MAP3K5: variants seen among roughly 807,000 people sequenced by gnomAD.
MAP3K5 encodes mitogen-activated protein kinase kinase kinase 5, also known as ASK-1.
Under a neutral mutation model 158.7 loss-of-function variants are expected in MAP3K5, and 56 were observed. The observed-to-expected ratio is 0.35, with a 90% CI of 0.28 to 0.44. MAP3K5 has a LOEUF of 0.44. MAP3K5 is among the 20% of genes least tolerant of loss of function. MAP3K5 has a pLI of 1.00. For synonymous variants in MAP3K5, 579 were observed against 601.7 expected, an observed-to-expected ratio of 0.96 and a Z score of 0.55; for missense variants, 1,294 against 1,674.8, an observed-to-expected ratio of 0.77 and a Z score of 3.97.
intron 8 of MAP3K5, among the ~76,000 whole-genome samples, chr6:136,665,855 A>T (rs1779208946): frequency 1.3e-5 from 2 of 152,168 alleles, no homozygotes; most frequent in South Asian, 4.1e-4. Context: ...TTTTATGTAC[A>T]GTAATATATA....
intron 12 of MAP3K5, among the ~76,000 whole-genome samples, chr6:136,641,935 C>T (rs1777962890): frequency 6.6e-6 from 1 of 150,654 alleles, no homozygotes; most frequent in Admixed American, 6.6e-5. Flanking sequence ...TTGCAGTGAA[C>T]TGAGATCATG....
At chr6:136,738,784 G>T (rs373561693) in intron 1 of MAP3K5, among the ~76,000 whole-genome samples, 26 of 152,258 alleles carry the variant, frequency 1.7e-4, no homozygotes, top group Admixed American at 9.1e-4. Context: ...GGAACAGACG[G>T]CTGATGGCCT....
At chr6:136,761,264 A>G (rs368534963) in intron 1 of MAP3K5, among the ~76,000 whole-genome samples, 2 of 150,776 alleles carry the variant, frequency 1.3e-5, no homozygotes, top group South Asian at 2.1e-4. Flanking sequence ...CGGGCACAAG[A>G]ATAAAGAAAA....
chr6:136,740,998 C>A (rs1782683294), intron 1 of MAP3K5, among the ~76,000 whole-genome samples: 1 of 152,034 alleles, frequency 6.6e-6, no homozygotes, highest in African/African-American at 2.4e-5. Context: ...GTTGAATTCC[C>A]AATAGTTCTC....
At chr6:136,614,038 T>C in intron 16 of MAP3K5, 121 bp downstream of exon 16, 1 of 1,010,210 alleles carries the variant, frequency 9.9e-7, no homozygotes, top group Admixed American at 2.4e-5. Context: ...TAATGTCACA[T>C]GTCCAATTTT....
At chr6:136,711,330 C>G (rs928863395) in intron 2 of MAP3K5, among the ~76,000 whole-genome samples, 5 of 152,026 alleles carry the variant, frequency 3.3e-5, no homozygotes, top group Non-Finnish European at 5.9e-5. Context: ...GTGTGTGTTC[C>G]CCAAACAAGT....
intron 14 of MAP3K5, among the ~76,000 whole-genome samples, chr6:136,634,002 C>T (rs923895716): frequency 6.6e-6 from 1 of 152,188 alleles, no homozygotes; most frequent in African/African-American, 2.4e-5. Context: ...TTCAGATGAT[C>T]TCTAAAGTCA....
rs767504696 is a variant in MAP3K5, at chr6:136,622,904, C to G, written c.2094G>C (p.Arg698=). 6.2e-7 allele frequency: 1 copy of G among 1,613,700 alleles called. No homozygotes were observed. The highest frequency in any genetic ancestry group is 1.1e-5 in the South Asian group (1 of 91,082). ...KGTYGIVYAG[R]DLSNQVRIAI... ...CAATTCTGACTTGGTTGCTCAAGTCCCGACCTGCGTAGACTATCCCATAAG... is the reference window on the plus strand; with the variant it reads ...CAATTCTGACTTGGTTGCTCAAGTCGCGACCTGCGTAGACTATCCCATAAG... Residue 698 remains arginine (R), a synonymous_variant, in exon 15 of 30, where the codon CGG becomes CGC. Coordinates refer to ENST00000359015, the MANE Select transcript of MAP3K5 (RefSeq NM_005923.4).
At chr6:136,755,689 CAAAAA>C (rs772339028) in intron 1 of MAP3K5, among the ~76,000 whole-genome samples, 1 of 48,222 alleles carries the variant, frequency 2.1e-5, no homozygotes, top group Non-Finnish European at 5.7e-5. Flanking sequence ...ACTCTGTCTC[CAAAAA>C]AAAAAAAAAA....
intron 21 of MAP3K5, among the ~76,000 whole-genome samples, chr6:136,599,310 T>C (rs531787538): frequency 1.8e-3 from 275 of 152,266 alleles, no homozygotes; most frequent in Non-Finnish European, 3.1e-3. Context: ...ATGCAGGGAA[T>C]TGGGGACTGC....
chr6:136,785,285 T>C (rs1784795253), intron 1 of MAP3K5, among the ~76,000 whole-genome samples: 1 of 152,226 alleles, frequency 6.6e-6, no homozygotes, highest in African/African-American at 2.4e-5. Context: ...AGATGGCATA[T>C]TAACACATGG....
chr6:136,776,906 C>A (rs189742910), intron 1 of MAP3K5, among the ~76,000 whole-genome samples: 2 of 152,132 alleles, frequency 1.3e-5, no homozygotes, highest in East Asian at 1.9e-4. Context: ...ACGGCAGGAT[C>A]GGTCCTTGGG....
intron 7 of MAP3K5, among the ~76,000 whole-genome samples, chr6:136,683,971 T>C (rs1220362781): frequency 1.3e-5 from 2 of 152,104 alleles, no homozygotes; most frequent in Non-Finnish European, 2.9e-5. Flanking sequence ...GTGGCTCCCA[T>C]CTGTAATCCC....
intron 24 of MAP3K5, 115 bp from the exon 25 acceptor site, chr6:136,580,521 G>T: frequency 3.4e-6 from 2 of 588,414 alleles, no homozygotes; most frequent in South Asian, 2.6e-5. Context: ...TCTTCAACTT[G>T]AATTCTTTGT....
chr6:136,618,877 GC>G (rs1189246432), intron 15 of MAP3K5, among the ~76,000 whole-genome samples: 1 of 152,222 alleles, frequency 6.6e-6, no homozygotes, highest in East Asian at 1.9e-4. Flanking sequence ...ACAGCTGTTT[GC>G]TTACCTAGTA....
chr6:136,781,730 A>G (rs977241905), intron 1 of MAP3K5, among the ~76,000 whole-genome samples: 2 of 152,224 alleles, frequency 1.3e-5, no homozygotes, highest in African/African-American at 2.4e-5. Context: ...CATTGATACT[A>G]TCATTCTGAC....
At chr6:136,668,401 T>C (rs1779320243) in intron 8 of MAP3K5, among the ~76,000 whole-genome samples, 1 of 139,688 alleles carries the variant, frequency 7.2e-6, no homozygotes, top group Admixed American at 6.8e-5. Flanking sequence ...ATTTTTCTTT[T>C]ATTTTGAAGA....
In MAP3K5 at chr6:136,649,418, T is replaced by C. The variant is rs575972498; in HGVS notation, c.1788+1566A>G. Among the ~76,000 whole-genome samples the C allele has an allele frequency of 1.9e-4, 29 of 152,356 alleles. No homozygotes were observed. The South Asian group carries it at 5.4e-3, about 28-fold the overall frequency. On this transcript the variant is annotated intron_variant, in intron 11 of 29. Coordinates refer to ENST00000359015, the MANE Select transcript of MAP3K5 (RefSeq NM_005923.4). ...TTCTTGAGCTACTACAATTGAGTAA[T>C]TACTATGTTTACATCCCTATTAAAG...
chr6:136,671,917 C>T lies in MAP3K5; in HGVS notation c.1254-2522G>A, dbSNP rs557110731. 1.3e-4 allele frequency among the ~76,000 whole-genome samples: 20 copies of T among 152,126 alleles called. No individual in the cohort carries two copies. The South Asian group carries it at 2.1e-3, about 16-fold the overall frequency. On this transcript the variant is annotated intron_variant, in intron 7 of 29. Transcript: ENST00000359015. ...CTGGGATTACAGGTGTAAGCCACTG[C>T]ACTCGGCCAACTATAGAAATTTTTT...
Sources: gnomAD v4.1 joint callset for allele counts (sites outside exome capture counted in the v4.1 genomes callset) on GRCh38, gnomAD v4.1.1 for gene constraint, MANE v1.5 for transcripts, NCBI Gene and HGNC (gene_info 2026-07-23, HGNC 2026-07-21) for gene names.